Variants in EYA2 observed in about 807,000 individuals in gnomAD.
EYA2 encodes EYA transcriptional coactivator and phosphatase 2.
Under a neutral mutation model 69.2 loss-of-function variants are expected in EYA2, and 31 were observed. That is an observed-to-expected ratio of 0.45 (90% CI 0.34 to 0.60). The LOEUF (loss-of-function observed/expected upper bound fraction) is 0.60, where lower values mean the gene tolerates loss of function less well. Among genes scored for constraint, EYA2 ranks in the 20% least tolerant of loss-of-function variants. The pLI is 0.02. For synonymous variants in EYA2, 257 were observed against 279.4 expected, an observed-to-expected ratio of 0.92 and a Z score of 0.80; for missense variants, 622 against 701.2, an observed-to-expected ratio of 0.89 and a Z score of 1.28.
chr20:46,987,999 G>GATATATATATATATATATATAT (rs1568707249), intron 1 of EYA2, among the ~76,000 whole-genome samples: 1 of 37,118 alleles, frequency 2.7e-5, no homozygotes, highest in Non-Finnish European at 5.1e-5. Context: ...TATATATATG[G>GATATATATATATATATATATAT]GGCAAAAAAA....
rs180944485 is a variant in EYA2 at position 47,048,946 on chromosome 20, G to A, written c.416-23239G>A. Among the ~76,000 whole-genome samples the A allele has an allele frequency of 8.5e-5, 13 of 152,310 alleles. No homozygotes were observed. The East Asian group carries it at 1.9e-3, about 23-fold the overall frequency. ...TTCCAGCATTTCTGAGTTCCAACAC[G>A]TTATGGTACTCAACACATTAAATGT... On this transcript the variant is annotated intron_variant, in intron 5 of 15. Coordinates refer to ENST00000327619, the MANE Select transcript of EYA2 (RefSeq NM_005244.5).
At chr20:47,149,034 G>A (rs1309335088) in intron 10 of EYA2, among the ~76,000 whole-genome samples, 5 of 151,632 alleles carry the variant, frequency 3.3e-5, no homozygotes, top group Admixed American at 6.6e-5. Context: ...CCGAGACTGT[G>A]CTACTGCACT....
intron 5 of EYA2, among the ~76,000 whole-genome samples, chr20:47,028,283 G>A (rs1984210356): frequency 6.6e-6 from 1 of 152,248 alleles, no homozygotes; most frequent in Admixed American, 6.5e-5. Flanking sequence ...TGCTGTTTAA[G>A]CCACCTAGGT....
At chr20:47,023,642 T>TG (rs1568730251) in intron 5 of EYA2, among the ~76,000 whole-genome samples, 39 of 92,206 alleles carry the variant, frequency 4.2e-4, no homozygotes, top group East Asian at 3.3e-3. Flanking sequence ...GTTTTTTTTT[T>TG]TTTTTTTTTT....
At chr20:47,111,895 C>T (rs1375117502) in intron 9 of EYA2, among the ~76,000 whole-genome samples, 2 of 152,056 alleles carry the variant, frequency 1.3e-5, no homozygotes, top group Non-Finnish European at 2.9e-5. Flanking sequence ...TTTGAGAAGC[C>T]GAGGTGGGCA....
intron 9 of EYA2, among the ~76,000 whole-genome samples, chr20:47,119,242 C>T (rs1042248524): frequency 6.6e-6 from 1 of 152,194 alleles, no homozygotes; most frequent in Non-Finnish European, 1.5e-5. Flanking sequence ...AAGGTGTCAA[C>T]GCCATTGTAT....
chr20:47,132,857 G>T (rs2033375579), intron 9 of EYA2, among the ~76,000 whole-genome samples: 1 of 152,154 alleles, frequency 6.6e-6, no homozygotes, highest in East Asian at 1.9e-4. Flanking sequence ...TGGGGTGGGG[G>T]TAGCAAGAGG....
At chr20:46,981,911 G>GTGATA in intron 1 of EYA2, among the ~76,000 whole-genome samples, 1 of 151,330 alleles carries the variant, frequency 6.6e-6, no homozygotes, top group East Asian at 1.9e-4. Flanking sequence ...TGTAACTAAT[G>GTGATA]TAATATAAAC....
chr20:47,167,872 G>A lies in EYA2; in HGVS notation c.979-1267G>A, dbSNP rs370688888. ...AGAATGTGCGCATCTTTGGGGGTTC[G>A]TTATTCGGCCCAGCACAGTCAGGGA... On this transcript the variant is annotated intron_variant, in intron 10 of 15. Coordinates refer to ENST00000327619, the MANE Select transcript of EYA2 (RefSeq NM_005244.5). Among the ~76,000 whole-genome samples, 31 of 152,242 alleles carry A rather than the reference G, an allele frequency of 2.0e-4. No homozygotes were observed. In the South Asian group the frequency reaches 4.8e-3, roughly 23 times the overall value.
chr20:47,050,545 C>T (rs528796523), intron 5 of EYA2, among the ~76,000 whole-genome samples: 1 of 152,284 alleles, frequency 6.6e-6, no homozygotes, highest in African/African-American at 2.4e-5. Context: ...ATAAATCCAG[C>T]AGAGATGAAA....
At chr20:47,001,338 C>T (rs1982355516) in intron 2 of EYA2, 90 bp from the exon 3 acceptor site, 1 of 1,130,674 alleles carries the variant, frequency 8.8e-7, no homozygotes, top group South Asian at 1.2e-5. Flanking sequence ...TCCAAGTCTG[C>T]TCCTGCTTAA....
At chr20:46,922,148 G>A (rs981043413) in intron 1 of EYA2, among the ~76,000 whole-genome samples, 8 of 152,196 alleles carry the variant, frequency 5.3e-5, no homozygotes, top group Non-Finnish European at 1.0e-4. Flanking sequence ...ATCCTCACCA[G>A]CTTTCAGTTT....
intron 1 of EYA2, among the ~76,000 whole-genome samples, chr20:46,977,935 C>A (rs928972527): frequency 6.6e-6 from 1 of 152,174 alleles, no homozygotes; most frequent in African/African-American, 2.4e-5. Context: ...ACCTGAATTT[C>A]ACTGGCTGGA....
At chr20:47,157,126 G>A (rs1004313186) in intron 10 of EYA2, among the ~76,000 whole-genome samples, 6 of 151,814 alleles carry the variant, frequency 4.0e-5, no homozygotes, top group Non-Finnish European at 8.8e-5. Context: ...AAGCTGAGGA[G>A]GGCAGATCAC....
chr20:47,106,908 T>A (rs2032598324), intron 9 of EYA2, among the ~76,000 whole-genome samples: 1 of 152,026 alleles, frequency 6.6e-6, no homozygotes, highest in Non-Finnish European at 1.5e-5. Flanking sequence ...GCCCATGTTC[T>A]TGTTGGCGGA....
intron 1 of EYA2, among the ~76,000 whole-genome samples, chr20:46,969,219 G>T (rs569063242): frequency 7.0e-4 from 105 of 150,594 alleles, no homozygotes; most frequent in Admixed American, 1.0e-3. Flanking sequence ...TTTGTTTTTG[G>T]TTTTTTTTTT....
chr20:47,172,204 T>A (rs2034335576), intron 11 of EYA2, among the ~76,000 whole-genome samples: 1 of 152,016 alleles, frequency 6.6e-6, no homozygotes, highest in Non-Finnish European at 1.5e-5. Context: ...GAAGCCAAGG[T>A]AGGAGGATCC....
chr20:46,954,502 A>G (rs1382326026), intron 1 of EYA2, among the ~76,000 whole-genome samples: 1 of 152,240 alleles, frequency 6.6e-6, no homozygotes, highest in Non-Finnish European at 1.5e-5. Context: ...TTTGTGGACA[A>G]AAGATTTGCG....
chr20:47,148,400 C>G (rs2033752428), intron 10 of EYA2, among the ~76,000 whole-genome samples: 1 of 152,144 alleles, frequency 6.6e-6, no homozygotes, highest in South Asian at 2.1e-4. Context: ...TACATGTGTC[C>G]CTGGGGATAG....
Sources: gnomAD v4.1 joint callset for allele counts (sites outside exome capture counted in the v4.1 genomes callset) on GRCh38, gnomAD v4.1.1 for gene constraint, MANE v1.5 for transcripts, NCBI Gene and HGNC (gene_info 2026-07-23, HGNC 2026-07-21) for gene names.